NBPF15: variants seen among roughly 807,000 people sequenced by gnomAD.
NBPF15 encodes NBPF family member NBPF15.
A neutral mutation model predicts 62.2 loss-of-function variants in NBPF15; 74 were observed. The ratio of observed to expected loss-of-function variants is 1.19; its 90% CI spans 0.99 to 1.44. The LOEUF is 1.44. Among genes scored for constraint, NBPF15 ranks in the 40% most tolerant of loss-of-function variants. NBPF15 has a pLI of 0.00. For synonymous variants in NBPF15, 244 were observed against 209.7 expected (o/e 1.16, Z -1.41); for missense variants, 790 against 550.0 (o/e 1.44, Z -4.36).
At chr1:144,427,253 C>G (rs1352412416) in intron 16 of NBPF15, among the ~76,000 whole-genome samples, 155 bp from the exon 17 acceptor site, 9 of 148,530 alleles carry the variant, frequency 6.1e-5, no homozygotes, top group Non-Finnish European at 1.3e-4. Context: ...AGGCTGATCA[C>G]CATAGAGATT....
At chr1:144,450,426 G>A (rs1690334565) in intron 5 of NBPF15, among the ~76,000 whole-genome samples, 1 of 152,002 alleles carries the variant, frequency 6.6e-6, no homozygotes, top group Non-Finnish European at 1.5e-5. Flanking sequence ...AGCCAGCACA[G>A]AAAAAGGGCC....
intron 19 of NBPF15, among the ~76,000 whole-genome samples, chr1:144,425,087 C>G (rs879949506): frequency 3.4e-5 from 5 of 146,582 alleles, no homozygotes; most frequent in Admixed American, 1.4e-4. Context: ...CACACACACA[C>G]ACACACACAC....
intron 6 of NBPF15, among the ~76,000 whole-genome samples, chr1:144,447,997 C>G (rs1327079456): frequency 2.6e-5 from 4 of 152,040 alleles, no homozygotes; most frequent in Non-Finnish European, 5.9e-5. Context: ...CTCATTTGTC[C>G]AGACAGAGCC....
At chr1:144,436,576 C>A (rs2102057663) in intron 10 of NBPF15, among the ~76,000 whole-genome samples, 1 of 152,162 alleles carries the variant, frequency 6.6e-6, no homozygotes, top group South Asian at 2.1e-4. Context: ...AATCTTCATT[C>A]TTAGTCCAGA....
intron 1 of NBPF15, 143 bp downstream of exon 1, chr1:144,461,238 C>T (rs1553548401): frequency 6.6e-6 from 1 of 152,208 alleles, no homozygotes; most frequent in Admixed American, 6.5e-5. Context: ...AGCGAGGAAT[C>T]CAACGCATGG....
chr1:144,438,945 C>T (rs1210935767), intron 8 of NBPF15, among the ~76,000 whole-genome samples: 4 of 151,840 alleles, frequency 2.6e-5, no homozygotes, highest in African/African-American at 9.7e-5. Context: ...TCACTCTCAC[C>T]AAGCTACTCT....
intron 6 of NBPF15, among the ~76,000 whole-genome samples, chr1:144,442,430 A>T (rs1553543002): frequency 0.012 from 1,651 of 143,296 alleles, 29 homozygotes; most frequent in African/African-American, 0.031. Flanking sequence ...ATATATATAT[A>T]TTTTTTTCTT....
Position 144,423,051 on chromosome 1 carries a change from G to A in NBPF15, c.1975C>T (p.His659Tyr). 1 of 1,611,632 alleles carries A rather than the reference G, an allele frequency of 6.2e-7. No homozygotes were observed. The highest frequency in any genetic ancestry group is 1.1e-5 in the South Asian group (1 of 90,972). Residue 659 changes from histidine to tyrosine, a missense_variant, in exon 22 of 22, where the codon CAC (histidine) becomes TAC (tyrosine). Transcript: ENST00000581897. ...ATGACTCCCATCTGGAACACCAGGT[G>A]GAGACTTGTCACCGTCAAAGTAAAA... ...RFFTLTVTSL[H>Y]LVFQMGVIFP...
rs1666123811 is a variant in NBPF15, at chr1:144,421,654, A to G, written c.*1359T>C. On this transcript the variant is annotated 3_prime_UTR_variant, in exon 22 of 22. Transcript: ENST00000581897. ...CAAAATTTGCAGTGTAGAGATATGA[A>G]TATAATAATAGACACAGGCAGGGAG... 7 of 151,256 alleles carry G rather than the reference A, an allele frequency of 4.6e-5. No homozygotes were observed. The highest frequency in any genetic ancestry group is 4.4e-5 in the Non-Finnish European group (3 of 67,734). The allele number at this position is 151,256 out of a possible 1,614,324, so 9.4% of individuals were successfully genotyped here.
Position 144,441,052 on chromosome 1 carries a change from A to G in NBPF15, c.-190-757T>C, listed in dbSNP as rs1482218056. On this transcript the variant is annotated intron_variant, in intron 6 of 21. Coordinates refer to ENST00000581897, the MANE Select transcript of NBPF15 (RefSeq NM_001385408.1). ...TTGTTTCATTTTGTTTTGGCCAAGT[A>G]ATATCCTATTGATTGTATGATTATC... 1.4e-3 allele frequency among the ~76,000 whole-genome samples: 206 copies of G among 151,870 alleles called. 5 individuals are homozygous for G. In the South Asian group the frequency reaches 0.04, roughly 29 times the overall value.
intron 17 of NBPF15, among the ~76,000 whole-genome samples, 196 bp downstream of exon 17, chr1:144,426,851 T>C (rs1412897461): frequency 6.8e-6 from 1 of 148,068 alleles, no homozygotes; most frequent in Non-Finnish European, 1.5e-5. Context: ...GGTCAACCTA[T>C]AGTAAGTTAG....
intron 13 of NBPF15, among the ~76,000 whole-genome samples, chr1:144,430,957 A>C (rs1411168549): frequency 2.6e-5 from 4 of 152,068 alleles, no homozygotes; most frequent in African/African-American, 9.7e-5. Flanking sequence ...AATTCGATCA[A>C]GTGCAAGAAA....
Position 144,437,461 on chromosome 1 carries a change from C to G in NBPF15, c.279-352G>C, listed in dbSNP as rs782024685. ...ATACACATAGTGCATCTTGCGGCCA[C>G]TAGATACAAAGCCATGTACAGAAAT... On this transcript the variant is annotated intron_variant, in intron 9 of 21. Transcript: ENST00000581897. Among the ~76,000 whole-genome samples the G allele has an allele frequency of 1.6e-3, 231 of 145,192 alleles. 1 individual carries two copies. Among genetic ancestry groups the G allele is most frequent in the Middle Eastern group, 6.8e-3 (2 of 294 alleles).
chr1:144,451,430 C>T (rs1691067511), intron 4 of NBPF15, among the ~76,000 whole-genome samples: 1 of 151,118 alleles, frequency 6.6e-6, no homozygotes, highest in Non-Finnish European at 1.5e-5. Context: ...ACTAATCCTC[C>T]TCAGCACAGA....
chr1:144,444,858 G>C (rs1686124745), intron 6 of NBPF15, among the ~76,000 whole-genome samples: 1 of 151,916 alleles, frequency 6.6e-6, no homozygotes, highest in African/African-American at 2.4e-5. Context: ...CACACATACA[G>C]ATCATTGTGC....
In NBPF15 at chr1:144,423,090, C is replaced by A. The variant is rs146229961; in HGVS notation, c.1936G>T (p.Val646Leu). The change falls in exon 22 of 22, where the codon GTG (valine) becomes TTG (leucine). Residue 646 changes from valine to leucine, a missense_variant. Transcript: ENST00000581897. ...GTCAAAGTAAAAAACCTATTGTCCA[C>A]GTAAAGGGCGAAGCTGATATGCTCT... Reference protein sequence around the residue: ...EEEHISFALYVDNRFFTLTVT... With the variant: ...EEEHISFALYLDNRFFTLTVT... 1.2e-6 allele frequency: 2 copies of A among 1,611,604 alleles called. No homozygotes were observed. The highest frequency in any genetic ancestry group is 2.2e-5 in the East Asian group (1 of 44,866).
intron 4 of NBPF15, among the ~76,000 whole-genome samples, chr1:144,451,607 G>A (rs1465004762): frequency 1.3e-5 from 2 of 151,850 alleles, no homozygotes; most frequent in Non-Finnish European, 2.9e-5. Context: ...TGAGATTAGG[G>A]AGTGGTGATG....
At position 144,422,911 on chromosome 1, in the gene NBPF15, C is replaced by A; in HGVS notation, c.*102G>T. On this transcript the variant is annotated 3_prime_UTR_variant, in exon 22 of 22. Transcript: ENST00000581897. ...ATAGAGCCATGCTCACTGACCCATC[C>A]TATGTCTGGGCTTCCAAATGGAACT... The A allele has an allele frequency of 1.2e-6, 2 of 1,610,128 alleles. No individual in the cohort carries two copies. The highest frequency in any genetic ancestry group is 1.7e-6 in the Non-Finnish European group (2 of 1,178,908).
intron 17 of NBPF15, among the ~76,000 whole-genome samples, 178 bp downstream of exon 17, chr1:144,426,869 T>A (rs1166461753): frequency 1.4e-4 from 21 of 147,476 alleles, no homozygotes; most frequent in African/African-American, 5.0e-4. Context: ...TAGTAAATGA[T>A]AAGGGGAGGA....
Sources: allele counts gnomAD v4.1 joint callset (sites outside exome capture counted in the v4.1 genomes callset), GRCh38; gene constraint gnomAD v4.1.1; transcripts MANE v1.5; gene names NCBI Gene and HGNC (gene_info 2026-07-23, HGNC 2026-07-21).